DTNA: variants seen among roughly 807,000 people sequenced by gnomAD.
The protein encoded by DTNA is dystrophin-related protein 3.
A neutral mutation model predicts 100.7 loss-of-function variants in DTNA; 43 were observed. The observed-to-expected ratio is 0.43, with a 90% CI of 0.33 to 0.55. The LOEUF is 0.55. Ranked by LOEUF, DTNA falls within the 20% of genes least tolerant of loss-of-function variation. DTNA has a pLI of 0.04. For synonymous variants in DTNA, 349 were observed against 347.9 expected (o/e 1.00, Z -0.04); for missense variants, 798 against 953.9 (o/e 0.84, Z 2.15).
intron 1 of DTNA, among the ~76,000 whole-genome samples, chr18:34,620,489 T>G (rs1282191002): frequency 6.6e-6 from 1 of 152,202 alleles, no homozygotes; most frequent in Admixed American, 6.5e-5. Context: ...ATTAGTTTAT[T>G]CTCACATTGC....
intron 1 of DTNA, among the ~76,000 whole-genome samples, chr18:34,510,554 G>A (rs2040961912): frequency 6.6e-6 from 1 of 151,266 alleles, no homozygotes; most frequent in South Asian, 2.1e-4. Flanking sequence ...CTAGTCTTCG[G>A]CATAGGTTAT....
At chr18:34,654,395 A>G (rs1340261595) in intron 1 of DTNA, among the ~76,000 whole-genome samples, 1 of 152,204 alleles carries the variant, frequency 6.6e-6, no homozygotes, top group East Asian at 1.9e-4. Flanking sequence ...TCAAAACTCA[A>G]GATTTCTCTA....
chr18:34,666,419 A>C (rs1414514537), intron 1 of DTNA, among the ~76,000 whole-genome samples: 1 of 151,712 alleles, frequency 6.6e-6, no homozygotes, highest in African/African-American at 2.4e-5. Flanking sequence ...GAAGCTCTTT[A>C]GTTTAATTAG....
At position 34,694,396 on chromosome 18, in the gene DTNA, G is replaced by A. The variant is rs372773833; in HGVS notation, c.-1-61580G>A. Among the ~76,000 whole-genome samples, 461 of 152,280 alleles carry A rather than the reference G, an allele frequency of 3.0e-3. 5 individuals are homozygous for A. Among genetic ancestry groups the A allele is most frequent in the South Asian group, 0.03 (144 of 4,826 alleles). On this transcript the variant is annotated intron_variant, in intron 1 of 19. Coordinates refer to the DTNA transcript ENST00000283365. ...TCTTAGTAATGACAATTTACTGTTTGAGCTTGTATTTTAGCCATCAACTGA... is the reference window on the plus strand; with the variant it reads ...TCTTAGTAATGACAATTTACTGTTTAAGCTTGTATTTTAGCCATCAACTGA...
At chr18:34,493,702 G>A (rs1568529140) in intron 1 of DTNA, among the ~76,000 whole-genome samples, 1 of 149,070 alleles carries the variant, frequency 6.7e-6, no homozygotes, top group Non-Finnish European at 1.5e-5. Context: ...GCTGCGCAGG[G>A]ACCGCAGCCG....
At chr18:34,604,492 T>G (rs529755238) in intron 1 of DTNA, among the ~76,000 whole-genome samples, 1 of 152,294 alleles carries the variant, frequency 6.6e-6, no homozygotes, top group Non-Finnish European at 1.5e-5. Flanking sequence ...CAAGAGGATC[T>G]GAAGATCTCT....
intron 20 of DTNA, among the ~76,000 whole-genome samples, chr18:34,880,112 G>C (rs1243786062): frequency 6.6e-6 from 1 of 152,108 alleles, no homozygotes; most frequent in Non-Finnish European, 1.5e-5. Context: ...ACATTGGAGA[G>C]GTCTCTGTCC....
rs114255059 is a variant in DTNA at position 34,497,242 on chromosome 18, T to C, written c.-2+3728T>C. 8.4e-3 allele frequency among the ~76,000 whole-genome samples: 1,274 copies of C among 152,298 alleles called. 19 individuals are homozygous for C. The highest frequency in any genetic ancestry group is 0.029 in the African/African-American group (1,213 of 41,562). Reference sequence around the variant, plus strand: ...TTTAATTGATTTATCACACAGTCCCTGAGATTGTCTCAACTACCCAAAAGA... The same window carrying C: ...TTTAATTGATTTATCACACAGTCCCCGAGATTGTCTCAACTACCCAAAAGA... On this transcript the variant is annotated intron_variant, in intron 1 of 19. Transcript: ENST00000283365.
At chr18:34,700,945 G>A (rs550948508) in intron 1 of DTNA, among the ~76,000 whole-genome samples, 47 of 152,204 alleles carry the variant, frequency 3.1e-4, no homozygotes, top group African/African-American at 1.1e-3. Context: ...TTTCCCTAGT[G>A]TCGCAGGAAA....
chr18:34,612,361 G>A (rs934439428), intron 1 of DTNA, among the ~76,000 whole-genome samples: 2 of 152,150 alleles, frequency 1.3e-5, no homozygotes, highest in Non-Finnish European at 2.9e-5. Flanking sequence ...CATGCACATA[G>A]GACAGTGGGC....
chr18:34,882,957 T>A (rs186567178), intron 21 of DTNA, among the ~76,000 whole-genome samples: 1 of 152,298 alleles, frequency 6.6e-6, no homozygotes, highest in African/African-American at 2.4e-5. Context: ...TGGAGAAATG[T>A]TGGGGGAACT....
intron 16 of DTNA, among the ~76,000 whole-genome samples, chr18:34,861,801 A>C (rs577738755): frequency 6.6e-6 from 1 of 152,288 alleles, no homozygotes; most frequent in South Asian, 2.1e-4. Context: ...CTGTAAGATA[A>C]ATGTACAATT....
At chr18:34,622,291 G>A (rs559738660) in intron 1 of DTNA, among the ~76,000 whole-genome samples, 1 of 152,230 alleles carries the variant, frequency 6.6e-6, no homozygotes, top group South Asian at 2.1e-4. Flanking sequence ...AGTAAAGTAG[G>A]GAGGTGGAGA....
At chr18:34,499,014 G>A (rs1246306392) in intron 1 of DTNA, among the ~76,000 whole-genome samples, 1 of 152,128 alleles carries the variant, frequency 6.6e-6, no homozygotes, top group Non-Finnish European at 1.5e-5. Context: ...GTAAATTCTT[G>A]CAAAATGATA....
intron 1 of DTNA, among the ~76,000 whole-genome samples, chr18:34,540,869 T>C (rs543853035): frequency 9.2e-5 from 14 of 152,240 alleles, no homozygotes; most frequent in African/African-American, 3.4e-4. Flanking sequence ...TCATTGTGCA[T>C]GTTTAACACA....
intron 1 of DTNA, chr18:34,493,935 CCCGGGCGGCGGGCGGCGCCTCA>C (rs2038857043): frequency 6.7e-6 from 1 of 148,372 alleles, no homozygotes; most frequent in South Asian, 2.1e-4. Flanking sequence ...GCGGCGCCTC[CCCGGGCGGCGGGCGGCGCCTCA>C]GGCCCGCGGG....
rs1033123098 is a variant in DTNA at position 34,890,184 on chromosome 18, C to T, written c.*2450C>T. The stretch of plus-strand genomic sequence containing the variant: ...CCCCGTTGTCATAGCTATTTCATTG[C>T]CAACCAACTCCATCACATGGTTGTT... On this transcript the variant is annotated 3_prime_UTR_variant, in exon 23 of 23. Coordinates refer to ENST00000444659, the MANE Select transcript of DTNA (RefSeq NM_001386795.1). The T allele has an allele frequency of 2.6e-5, 38 of 1,442,522 alleles. No homozygotes were observed. Among genetic ancestry groups the T allele is most frequent in the Non-Finnish European group, 3.4e-5 (38 of 1,103,770 alleles). The allele number at this position is 1,442,522 out of a possible 1,614,324, so 89.4% of individuals were successfully genotyped here.
At chr18:34,569,327 A>C (rs2047365265) in intron 1 of DTNA, among the ~76,000 whole-genome samples, 1 of 152,234 alleles carries the variant, frequency 6.6e-6, no homozygotes, top group Admixed American at 6.5e-5. Flanking sequence ...CCTGAAGCAC[A>C]GGTGGAAGAT....
At chr18:34,638,277 C>T (rs1375515800) in intron 1 of DTNA, among the ~76,000 whole-genome samples, 1 of 152,192 alleles carries the variant, frequency 6.6e-6, no homozygotes, top group African/African-American at 2.4e-5. Context: ...ACTGAGTGCT[C>T]ACTGTGCACT....
Sources: gnomAD v4.1 joint callset for allele counts (sites outside exome capture counted in the v4.1 genomes callset) on GRCh38, gnomAD v4.1.1 for gene constraint, MANE v1.5 for transcripts, NCBI Gene and HGNC (gene_info 2026-07-23, HGNC 2026-07-21) for gene names.